Variants in NCKAP5 observed in about 807,000 individuals in gnomAD.
NCKAP5 encodes nck-associated protein 5.
Under a neutral mutation model 167.0 loss-of-function variants are expected in NCKAP5, and 92 were observed. The observed-to-expected ratio is 0.55, with a 90% confidence interval of 0.47 to 0.66. The LOEUF (loss-of-function observed/expected upper bound fraction) is 0.66, where lower values mean the gene tolerates loss of function less well. Ranked by LOEUF, NCKAP5 falls within the 30% of genes least tolerant of loss-of-function variation. The pLI, the probability that NCKAP5 is intolerant of heterozygous loss-of-function variation, is 0.00. For missense variants in NCKAP5, 2,378 were observed against 2,315.0 expected (o/e 1.03, Z -0.56); for synonymous variants, 891 against 877.4 (o/e 1.02, Z -0.27).
chr2:133,670,954 G>A, the NCKAP5 span, among the ~76,000 whole-genome samples: 3 of 152,064 alleles, frequency 2.0e-5, no homozygotes, highest in Admixed American at 6.5e-5. Context: ...AGTGGCTCAC[G>A]CCTGTAATCC....
At chr2:133,231,912 A>G (rs1420276419) in intron 4 of NCKAP5, among the ~76,000 whole-genome samples, 1 of 152,210 alleles carries the variant, frequency 6.6e-6, no homozygotes, top group Non-Finnish European at 1.5e-5. Context: ...CGAAATCCAG[A>G]AGAAAGACAT....
chr2:133,059,059 G>A (rs142764081), intron 6 of NCKAP5, among the ~76,000 whole-genome samples: 3,590 of 152,264 alleles, frequency 0.024, 62 homozygotes, highest in Non-Finnish European at 0.037. Context: ...CAGCACTTTG[G>A]GAGGCTGAGG....
chr2:132,812,112 AG>A (rs1243239070), intron 11 of NCKAP5, among the ~76,000 whole-genome samples: 1 of 152,064 alleles, frequency 6.6e-6, no homozygotes, highest in Admixed American at 6.6e-5. Context: ...GGGCACTCAC[AG>A]TATTTGGGGC....
At chr2:132,732,494 G>A (rs566333512) in intron 16 of NCKAP5, among the ~76,000 whole-genome samples, 9 of 152,300 alleles carry the variant, frequency 5.9e-5, no homozygotes, top group African/African-American at 2.2e-4. Context: ...TAAATTTCCA[G>A]TGAGGTGCAT....
At chr2:132,970,280 C>T (rs2076793414) in intron 7 of NCKAP5, among the ~76,000 whole-genome samples, 1 of 152,080 alleles carries the variant, frequency 6.6e-6, no homozygotes, top group Non-Finnish European at 1.5e-5. Context: ...CTGAGATATA[C>T]ACAGCAAAAA....
chr2:133,629,698 T>TA, the NCKAP5 span, among the ~76,000 whole-genome samples: 2 of 152,168 alleles, frequency 1.3e-5, no homozygotes, highest in Non-Finnish European at 2.9e-5. Flanking sequence ...AATGTGGCAC[T>TA]ATTCACAATA....
intron 3 of NCKAP5, among the ~76,000 whole-genome samples, chr2:133,463,867 G>A (rs1367035853): frequency 3.3e-5 from 5 of 152,160 alleles, no homozygotes; most frequent in South Asian, 2.1e-4. Context: ...GGTTTCAATC[G>A]ATTAAAGAAT....
At chr2:133,278,246 C>A (rs753848578) in intron 4 of NCKAP5, among the ~76,000 whole-genome samples, 1 of 152,188 alleles carries the variant, frequency 6.6e-6, no homozygotes, top group Non-Finnish European at 1.5e-5. Context: ...TCCTACAGTT[C>A]TGTAGATTAG....
intron 5 of NCKAP5, among the ~76,000 whole-genome samples, chr2:133,177,164 C>CTATATATATATATA (rs61395261): frequency 0.011 from 1,520 of 138,420 alleles, 18 homozygotes; most frequent in African/African-American, 0.024. Flanking sequence ...GTTTTGTTTT[C>CTATATATATATATA]TATATATATA....
At chr2:132,863,838 A>G (rs1276712109) in intron 10 of NCKAP5, among the ~76,000 whole-genome samples, 1 of 152,212 alleles carries the variant, frequency 6.6e-6, no homozygotes, top group Non-Finnish European at 1.5e-5. Flanking sequence ...AAGAAACTGT[A>G]AACAAAAACA....
intron 7 of NCKAP5, among the ~76,000 whole-genome samples, chr2:132,981,364 A>T (rs1425525029): frequency 2.0e-5 from 3 of 152,160 alleles, no homozygotes; most frequent in African/African-American, 7.2e-5. Context: ...CTCAACATTG[A>T]CTTAAGACAT....
chr2:133,468,295 T>C (rs12105662), intron 3 of NCKAP5, among the ~76,000 whole-genome samples: 1 of 126,096 alleles, frequency 7.9e-6, no homozygotes, highest in South Asian at 2.6e-4. Flanking sequence ...GAGCAGGTTG[T>C]TCAGTTTCTA....
intron 2 of NCKAP5, among the ~76,000 whole-genome samples, chr2:133,554,953 A>C (rs75693715): frequency 0.081 from 12,248 of 152,146 alleles, 639 homozygotes; most frequent in East Asian, 0.27. Flanking sequence ...TCTTGCAGAA[A>C]GGTTACCCTT....
intron 4 of NCKAP5, among the ~76,000 whole-genome samples, chr2:133,216,682 G>A (rs1217384340): frequency 6.6e-6 from 1 of 152,102 alleles, no homozygotes; most frequent in Non-Finnish European, 1.5e-5. Context: ...AGTTGGTACA[G>A]AAACACTAAA....
At chr2:133,324,379 A>C (rs923386688) in intron 3 of NCKAP5, among the ~76,000 whole-genome samples, 1 of 152,260 alleles carries the variant, frequency 6.6e-6, no homozygotes, top group Non-Finnish European at 1.5e-5. Flanking sequence ...ATTACATAAA[A>C]AATATTTTAA....
At position 133,153,051 on chromosome 2, in the gene NCKAP5, C is replaced by T. The variant is rs74744596; in HGVS notation, c.208-22940G>A. 3.0e-3 allele frequency among the ~76,000 whole-genome samples: 457 copies of T among 152,232 alleles called. 10 individuals carry two copies. The East Asian group carries it at 0.053, about 18-fold the overall frequency. ...GTATCCCTGTCATTAAGCAATGCAT[C>T]GTTGTACACAAAGTTTTGGCAAAGT... On this transcript the variant is annotated intron_variant, in intron 5 of 19. Coordinates refer to ENST00000409261, the MANE Select transcript of NCKAP5 (RefSeq NM_207363.3).
At chr2:133,460,122 A>G in intron 3 of NCKAP5, among the ~76,000 whole-genome samples, 1 of 152,202 alleles carries the variant, frequency 6.6e-6, no homozygotes, top group Non-Finnish European at 1.5e-5. Context: ...TGCATAAATA[A>G]GAGCCCTCTA....
At chr2:133,672,463 T>C in the NCKAP5 span, among the ~76,000 whole-genome samples, 330 of 152,360 alleles carry the variant, frequency 2.2e-3, no homozygotes, top group Non-Finnish European at 3.3e-3. Flanking sequence ...ATGCAACATT[T>C]CTATTATATT....
chr2:132,800,565 C>T (rs1684946012), intron 11 of NCKAP5, among the ~76,000 whole-genome samples: 1 of 152,116 alleles, frequency 6.6e-6, no homozygotes, highest in South Asian at 2.1e-4. Context: ...ACAGTCTAAC[C>T]CTCCCTGTCA....
Sources: allele counts gnomAD v4.1 joint callset (sites outside exome capture counted in the v4.1 genomes callset), GRCh38; gene constraint gnomAD v4.1.1; transcripts MANE v1.5; gene names NCBI Gene and HGNC (gene_info 2026-07-23, HGNC 2026-07-21).